The following APTX variants were observed in gnomAD, a reference collection of about 807,000 sequenced individuals.
The protein encoded by APTX is aprataxin.
In APTX, 33 loss-of-function variants were observed where a neutral mutation model predicts 42.3. The observed-to-expected ratio is 0.78, with a 90% CI of 0.59 to 1.04. APTX has a LOEUF of 1.04. Ranked by LOEUF, APTX falls within the 50% of genes least tolerant of loss-of-function variation. APTX has a pLI of 0.00. For synonymous variants in APTX, 130 were observed against 146.7 expected, an observed-to-expected ratio of 0.89 and a Z score of 0.82; for missense variants, 421 against 415.1, an observed-to-expected ratio of 1.01 and a Z score of -0.12.
At chr9:33,003,115 C>T (rs1310673395), upstream of APTX, among the ~76,000 whole-genome samples, 2 of 152,150 alleles carry the variant, frequency 1.3e-5, no homozygotes, top group Non-Finnish European at 2.9e-5. Context: ...GCATCCCTCT[C>T]GGTTAAGGGT....
At chr9:33,011,290 T>A (rs574746595) in intron 1 of APTX, among the ~76,000 whole-genome samples, 7 of 145,598 alleles carry the variant, frequency 4.8e-5, no homozygotes, top group Admixed American at 2.7e-4. Context: ...AGCACCATAT[T>A]TTTTTTTTTT....
Position 32,972,663 on chromosome 9 carries a change from C to T in APTX, c.*835G>A, listed in dbSNP as rs760606522. Reference sequence around the variant, plus strand: ...AGGGAAAAAGAAAGTAGTGGCTCTACGCAACTTTTTCATTCACCAACCACC... The same window carrying T: ...AGGGAAAAAGAAAGTAGTGGCTCTATGCAACTTTTTCATTCACCAACCACC... On this transcript the variant is annotated 3_prime_UTR_variant, in exon 8 of 8. Transcript: ENST00000379817. 2.0e-4 allele frequency: 85 copies of T among 432,758 alleles called. No homozygotes were observed. The highest frequency in any genetic ancestry group is 3.2e-4 in the Non-Finnish European group (70 of 216,418). 26.8% of individuals were successfully genotyped at this position (432,758 alleles called of 1,614,324 possible). A position where few individuals can be genotyped will look rare whatever the true frequency, so the allele number is the denominator to read the frequency against.
At chr9:32,995,758 G>A (rs1419449588) in intron 1 of APTX, among the ~76,000 whole-genome samples, 2 of 151,960 alleles carry the variant, frequency 1.3e-5, no homozygotes, top group Non-Finnish European at 2.9e-5. Context: ...CGTGGTGGCG[G>A]GCACCTGTAG....
upstream of APTX, among the ~76,000 whole-genome samples, chr9:33,002,117 G>A (rs961744381): frequency 1.3e-5 from 2 of 152,190 alleles, no homozygotes; most frequent in African/African-American, 4.8e-5. Context: ...GAACTGAGGG[G>A]CAATCCGGGA....
chr9:33,002,265 A>T (rs1160545094), upstream of APTX, among the ~76,000 whole-genome samples: 1 of 152,188 alleles, frequency 6.6e-6, no homozygotes, highest in Non-Finnish European at 1.5e-5. Context: ...AGGTAAAAGT[A>T]TAGTTTATAA....
Position 33,020,399 on chromosome 9 carries a change from G to C in APTX, c.-5+4624C>G, listed in dbSNP as rs370838253. Among the ~76,000 whole-genome samples the C allele has an allele frequency of 4.4e-4, 67 of 152,218 alleles. No individual in the cohort carries two copies. In the South Asian group the frequency reaches 0.013, roughly 31 times the overall value. ...GAAGACTTTACATGTTTTTATATTT[G>C]TGTTTATTTTTCTCCCTCTCCATTT... On this transcript the variant is annotated intron_variant, in intron 1 of 6. Coordinates refer to the APTX transcript ENST00000436040.
Position 32,986,043 on chromosome 9 carries a change from CAAAAAAAAAAACAAAAAAAA to C in APTX, c.484-33_484-14del. On this transcript the variant is annotated splice_polypyrimidine_tract_variant and intron_variant, in intron 4 of 7. Coordinates refer to ENST00000379817, the MANE Select transcript of APTX (RefSeq NM_001195248.2). The stretch of plus-strand genomic sequence containing the variant: ...GGCCCAGGGATTCCTAAAAAAAAAA[CAAAAAAAAAAACAAAAAAAA>C]AAAAAAACAAGCAATGTAAATTACA... 2.0e-6 allele frequency: 2 copies of C among 985,244 alleles called. No individual in the cohort carries two copies. Among genetic ancestry groups the C allele is most frequent in the Non-Finnish European group, 2.8e-6 (2 of 709,514 alleles). 61.0% of individuals were successfully genotyped at this position (985,244 alleles called of 1,614,324 possible).
At chr9:32,989,611 C>T in intron 2 of APTX, 148 bp downstream of exon 2, 2 of 1,185,404 alleles carry the variant, frequency 1.7e-6, no homozygotes, top group Non-Finnish European at 2.5e-6. Flanking sequence ...ATAAATAGGG[C>T]CCTGGTGTTG....
intron 1 of APTX, chr9:33,019,547 C>G (rs771218962): frequency 2.1e-5 from 7 of 334,230 alleles, no homozygotes; most frequent in Non-Finnish European, 3.3e-5. Context: ...CCAGAGAAAA[C>G]AAGGGACCCC....
rs1218391702 is a variant in APTX at position 32,974,707 on chromosome 9, TAATTC to T, written c.771-151_771-147del. ...CTATTGAAGTGATAGTGTGTCCATTTAATTCAATTGATTCATTCATTTACTTAAGA... is the reference window on the plus strand; with the variant it reads ...CTATTGAAGTGATAGTGTGTCCATTTAATTGATTCATTCATTTACTTAAGA... On this transcript the variant is annotated intron_variant, in intron 6 of 7. Coordinates refer to ENST00000379817, the MANE Select transcript of APTX (RefSeq NM_001195248.2). 25 of 646,366 alleles carry T rather than the reference TAATTC, an allele frequency of 3.9e-5. No individual in the cohort carries two copies. In the Admixed American group the frequency reaches 5.7e-4, roughly 15 times the overall value. 40.0% of individuals were successfully genotyped at this position (646,366 alleles called of 1,614,324 possible).
At chr9:32,998,451 CAA>C (rs1386706077) in intron 1 of APTX, among the ~76,000 whole-genome samples, 1 of 152,100 alleles carries the variant, frequency 6.6e-6, no homozygotes, top group African/African-American at 2.4e-5. Context: ...TTAACAATAG[CAA>C]AGAGTTGGAA....
chr9:33,000,551 G>A (rs1013501198), intron 1 of APTX, among the ~76,000 whole-genome samples: 1 of 149,122 alleles, frequency 6.7e-6, no homozygotes, highest in East Asian at 2.0e-4. Flanking sequence ...GCTTGAACCC[G>A]GGAGACGGAG....
At position 33,001,293 on chromosome 9, in the gene APTX, C is replaced by CT. The variant is rs1836385339; in HGVS notation, c.-5+273dup. 6.7e-6 allele frequency: 10 copies of CT among 1,488,072 alleles called. No homozygotes were observed. The African/African-American group carries it at 9.7e-5, about 14-fold the overall frequency. The allele number at this position is 1,488,072 out of a possible 1,614,324, so 92.2% of individuals were successfully genotyped here. A position where few individuals can be genotyped will look rare whatever the true frequency, so the allele number is the denominator to read the frequency against. On this transcript the variant is annotated intron_variant, in intron 1 of 7. Coordinates refer to ENST00000379817, the MANE Select transcript of APTX (RefSeq NM_001195248.2). The stretch of plus-strand genomic sequence containing the variant: ...TCCTTGGTTGGACAGGGCCCATTCT[C>CT]TAATATTTTTTCGGCTTGTGTTGCG...
chr9:32,992,680 T>C (rs892441891), intron 1 of APTX, among the ~76,000 whole-genome samples: 1 of 152,204 alleles, frequency 6.6e-6, no homozygotes, highest in African/African-American at 2.4e-5. Context: ...GGTTTTGAGC[T>C]TCACAGTAAG....
intron 1 of APTX, among the ~76,000 whole-genome samples, chr9:33,000,561 G>A (rs1023095194): frequency 6.7e-6 from 1 of 148,856 alleles, no homozygotes; most frequent in Non-Finnish European, 1.5e-5. Flanking sequence ...GGGAGACGGA[G>A]GTTGCAGTGA....
chr9:33,001,486 G>C (rs1483630017), intron 1 of APTX, 81 bp downstream of exon 1: 2 of 1,605,770 alleles, frequency 1.2e-6, no homozygotes, highest in African/African-American at 1.3e-5. Context: ...CATCACTCAA[G>C]GGTAGGAGCA....
chr9:33,012,596 G>C (rs914710846), intron 1 of APTX, among the ~76,000 whole-genome samples: 1 of 152,150 alleles, frequency 6.6e-6, no homozygotes, highest in African/African-American at 2.4e-5. Context: ...ATGAAGGAGA[G>C]GTCCCAGCAG....
intron 4 of APTX, among the ~76,000 whole-genome samples, chr9:32,986,483 C>T (rs904348364): frequency 6.6e-6 from 1 of 152,104 alleles, no homozygotes; most frequent in African/African-American, 2.4e-5. Flanking sequence ...AGGCGTGAGC[C>T]ACCACACCCG....
intron 1 of APTX, among the ~76,000 whole-genome samples, chr9:33,007,020 A>AAAAAAAAAAAAAAG (rs1837205264): frequency 1.5e-5 from 2 of 134,590 alleles, no homozygotes; most frequent in Non-Finnish European, 3.1e-5. Context: ...AAAAAAAAAA[A>AAAAAAAAAAAAAAG]AAAGAAAGAA....
Sources: gnomAD v4.1 joint callset for allele counts (sites outside exome capture counted in the v4.1 genomes callset) on GRCh38, gnomAD v4.1.1 for gene constraint, MANE v1.5 for transcripts, NCBI Gene and HGNC (gene_info 2026-07-23, HGNC 2026-07-21) for gene names.